Variants in C12orf42 observed in about 807,000 individuals in gnomAD.
C12orf42 encodes the protein chromosome 12 open reading frame 42.
In C12orf42, 25 loss-of-function variants were observed where a neutral mutation model predicts 21.6. The ratio of observed to expected loss-of-function variants is 1.16; its 90% CI spans 0.84 to 1.62. The LOEUF is 1.62. C12orf42 is among the 40% of genes most tolerant of loss of function. The pLI is 0.00. For missense variants in C12orf42, 483 were observed against 459.3 expected (o/e 1.05, Z -0.47); for synonymous variants, 174 against 175.0 (o/e 0.99, Z 0.05).
At chr12:103,435,767 A>C (rs1950649544) in intron 2 of C12orf42, among the ~76,000 whole-genome samples, 1 of 152,170 alleles carries the variant, frequency 6.6e-6, no homozygotes, top group Non-Finnish European at 1.5e-5. Context: ...GACCAAATCT[A>C]CGTCTGATTG....
the C12orf42 span, among the ~76,000 whole-genome samples, chr12:103,113,042 C>T: frequency 4.0e-5 from 6 of 151,898 alleles, no homozygotes; most frequent in Non-Finnish European, 7.4e-5. Context: ...GACAGGTTTG[C>T]AACCATCTAA....
chr12:103,139,401 T>C, the C12orf42 span, among the ~76,000 whole-genome samples: 2 of 152,172 alleles, frequency 1.3e-5, no homozygotes, highest in Non-Finnish European at 2.9e-5. Context: ...TCAGAGTTCT[T>C]GTTCTGGATG....
At chr12:103,282,238 G>A (rs2036185379) in intron 4 of C12orf42, among the ~76,000 whole-genome samples, 1 of 152,080 alleles carries the variant, frequency 6.6e-6, no homozygotes, top group Non-Finnish European at 1.5e-5. Flanking sequence ...CTAAATAATA[G>A]AACAAATACA....
chr12:103,109,230 G>A, the C12orf42 span, among the ~76,000 whole-genome samples: 10,235 of 152,138 alleles, frequency 0.067, 854 homozygotes, highest in African/African-American at 0.2. Context: ...GATGATATTG[G>A]CATACTAGTA....
downstream of C12orf42, among the ~76,000 whole-genome samples, chr12:103,266,963 A>C (rs545074532): frequency 1.3e-5 from 2 of 152,284 alleles, no homozygotes; most frequent in South Asian, 4.1e-4. Flanking sequence ...CAACAAAAAA[A>C]CTTTGAGTAT....
chr12:103,098,399 CA>C, the C12orf42 span, among the ~76,000 whole-genome samples: 2 of 152,142 alleles, frequency 1.3e-5, no homozygotes, highest in African/African-American at 2.4e-5. Context: ...CTCTTACAAA[CA>C]AATGACATTT....
At chr12:103,141,409 T>C in the C12orf42 span, among the ~76,000 whole-genome samples, 19 of 152,332 alleles carry the variant, frequency 1.2e-4, no homozygotes, top group South Asian at 3.9e-3. Flanking sequence ...TATTAAACTC[T>C]ATTTAATGAC....
chr12:103,208,506 C>A, the C12orf42 span, among the ~76,000 whole-genome samples: 2 of 152,124 alleles, frequency 1.3e-5, no homozygotes, highest in Non-Finnish European at 2.9e-5. Context: ...ATTGTTTTTA[C>A]ACTGTTGACT....
the C12orf42 span, among the ~76,000 whole-genome samples, chr12:103,536,200 T>C: frequency 2.6e-5 from 4 of 152,146 alleles, no homozygotes; most frequent in Non-Finnish European, 5.9e-5. Context: ...TGAGAGTCAA[T>C]AATGAACCTC....
At chr12:103,227,602 T>C in the C12orf42 span, among the ~76,000 whole-genome samples, 1 of 150,320 alleles carries the variant, frequency 6.7e-6, no homozygotes, top group Admixed American at 6.6e-5. Flanking sequence ...CAGAGAAGGG[T>C]TAGAGACAAG....
intron 4 of C12orf42, among the ~76,000 whole-genome samples, chr12:103,286,109 G>C (rs1266155436): frequency 6.6e-6 from 1 of 151,950 alleles, no homozygotes; most frequent in Non-Finnish European, 1.5e-5. Context: ...AAATCAGCTG[G>C]GCGTGGTGGC....
At chr12:103,133,354 T>C in the C12orf42 span, among the ~76,000 whole-genome samples, 1 of 152,190 alleles carries the variant, frequency 6.6e-6, no homozygotes, top group African/African-American at 2.4e-5. Context: ...CAGTCCACTA[T>C]TGTTACTACT....
At chr12:103,236,998 GC>G (rs2033489844), downstream of C12orf42, among the ~76,000 whole-genome samples, 1 of 152,128 alleles carries the variant, frequency 6.6e-6, no homozygotes, top group South Asian at 2.1e-4. Context: ...TCTGCGCTCT[GC>G]AAAAGGTGCA....
At chr12:103,319,211 T>C (rs2039836281) in intron 4 of C12orf42, among the ~76,000 whole-genome samples, 1 of 152,224 alleles carries the variant, frequency 6.6e-6, no homozygotes, top group Non-Finnish European at 1.5e-5. Context: ...AAACCAACCC[T>C]TCACTGTGTT....
intron 4 of C12orf42, among the ~76,000 whole-genome samples, chr12:103,294,523 AAAG>A (rs1423577767): frequency 2.9e-4 from 44 of 149,994 alleles, no homozygotes; most frequent in African/African-American, 9.8e-4. Flanking sequence ...AAGGAAGAAG[AAAG>A]AAAGAAGCAA....
chr12:103,163,814 T>G, the C12orf42 span, among the ~76,000 whole-genome samples: 1 of 152,230 alleles, frequency 6.6e-6, no homozygotes, highest in East Asian at 1.9e-4. Context: ...TCTGTAAAAT[T>G]GGGATAGTTA....
At chr12:103,449,918 TCTA>T (rs1347722839) in intron 2 of C12orf42, among the ~76,000 whole-genome samples, 2 of 151,774 alleles carry the variant, frequency 1.3e-5, no homozygotes, top group Non-Finnish European at 2.9e-5. Flanking sequence ...TTTTATTTTT[TCTA>T]CTTTTTAAAT....
At chr12:103,153,708 G>T in the C12orf42 span, among the ~76,000 whole-genome samples, 1 of 152,074 alleles carries the variant, frequency 6.6e-6, no homozygotes, top group Non-Finnish European at 1.5e-5. Flanking sequence ...ACTAATGGCA[G>T]GATGGTAAAT....
intron 3 of C12orf42, among the ~76,000 whole-genome samples, chr12:103,394,513 C>T (rs2047348191): frequency 6.6e-6 from 1 of 152,212 alleles, no homozygotes; most frequent in Admixed American, 6.5e-5. Flanking sequence ...ACCAACTCTC[C>T]TGTGTCTCCG....
Sources: allele counts gnomAD v4.1 joint callset (sites outside exome capture counted in the v4.1 genomes callset), GRCh38; gene constraint gnomAD v4.1.1; transcripts MANE v1.5; gene names NCBI Gene and HGNC (gene_info 2026-07-23, HGNC 2026-07-21).